SFXN5: variants seen among roughly 807,000 people sequenced by gnomAD.
SFXN5 encodes sideroflexin 5.
A neutral mutation model predicts 50.2 loss-of-function variants in SFXN5; 43 were observed. That is an observed-to-expected ratio of 0.86 (90% CI 0.67 to 1.11). The LOEUF (loss-of-function observed/expected upper bound fraction) is 1.11, where lower values mean the gene tolerates loss of function less well. SFXN5 is among the 50% of genes least tolerant of loss of function. SFXN5 has a pLI of 0.00. For missense variants in SFXN5, 463 were observed against 454.1 expected, an observed-to-expected ratio of 1.02 and a Z score of -0.18; for synonymous variants, 203 against 185.8, an observed-to-expected ratio of 1.09 and a Z score of -0.75.
chr2:73,001,705 A>G, intron 6 of SFXN5, 127 bp from the exon 7 acceptor site: 1 of 896,404 alleles, frequency 1.1e-6, no homozygotes, highest in Non-Finnish European at 1.7e-6. Flanking sequence ...TGCCGTGTAC[A>G]TACAAACTGA....
intron 11 of SFXN5, among the ~76,000 whole-genome samples, chr2:72,970,695 T>C (rs950535845): frequency 6.7e-6 from 1 of 149,760 alleles, no homozygotes; most frequent in Admixed American, 6.6e-5. Flanking sequence ...TGGACTGCGT[T>C]TTTTTTTTTT....
At position 73,046,871 on chromosome 2, in the gene SFXN5, C is replaced by CT. The variant is rs947968658; in HGVS notation, c.172-5941dup. 8.5e-4 allele frequency among the ~76,000 whole-genome samples: 125 copies of CT among 147,232 alleles called. 1 individual carries two copies. The highest frequency in any genetic ancestry group is 9.6e-4 in the Admixed American group (14 of 14,654). On this transcript the variant is annotated intron_variant, in intron 2 of 13. Coordinates refer to ENST00000272433, the MANE Select transcript of SFXN5 (RefSeq NM_144579.3). ...TTTTTTTCTTTTTGGTTATTTTTTC[C>CT]TTTTTTTTTTCCTACAATACATTTA... is the stretch of plus-strand genomic sequence containing the variant.
intron 8 of SFXN5, 62 bp from the exon 9 acceptor site, chr2:72,999,076 G>A: frequency 1.3e-6 from 2 of 1,560,600 alleles, no homozygotes; most frequent in Non-Finnish European, 1.8e-6. Context: ...ACTTCCCCTT[G>A]TAAGCTGTCC....
At position 72,988,305 on chromosome 2, in the gene SFXN5, G is replaced by A; in HGVS notation, c.578C>T (p.Pro193Leu). The A allele has an allele frequency of 6.2e-7, 1 of 1,613,902 alleles. No individual in the cohort carries two copies. The highest frequency in any genetic ancestry group is 8.5e-7 in the Non-Finnish European group (1 of 1,179,842). The change falls in exon 10 of 14, where the codon CCA (proline) becomes CTA (leucine). Residue 193 changes from proline to leucine, a missense_variant. By Grantham distance (98) the Pro-to-Leu change is moderately conservative. Transcript: ENST00000272433. ...VLVQKANKFT[P>L]ATRLLIQRFV... Reference sequence around the variant, plus strand: ...CCTCTGGATGAGAAGGCGGGTGGCTGGGGTGAACTTGTTGGCTTTCTGAAC... The same window carrying A: ...CCTCTGGATGAGAAGGCGGGTGGCTAGGGTGAACTTGTTGGCTTTCTGAAC...
intron 3 of SFXN5, among the ~76,000 whole-genome samples, chr2:73,028,359 A>G (rs2105868900): frequency 6.6e-6 from 1 of 152,324 alleles, no homozygotes; most frequent in Admixed American, 6.5e-5. Context: ...AGCCACCGCC[A>G]TGAAATGAGT....
chr2:72,998,916 G>T (rs775091886), intron 9 of SFXN5, 33 bp downstream of exon 9: 13 of 1,611,494 alleles, frequency 8.1e-6, no homozygotes, highest in Non-Finnish European at 1.1e-5. Context: ...CAGAGCAGCA[G>T]AGCCAAGAAG....
intron 12 of SFXN5, among the ~76,000 whole-genome samples, chr2:72,963,565 G>C (rs985906974): frequency 3.3e-5 from 5 of 152,086 alleles, no homozygotes; most frequent in African/African-American, 1.2e-4. Context: ...TGGCAAGGAG[G>C]GAAGGGAAAG....
intron 13 of SFXN5, among the ~76,000 whole-genome samples, chr2:72,956,817 C>G (rs1673140887): frequency 6.6e-6 from 1 of 152,130 alleles, no homozygotes; most frequent in Non-Finnish European, 1.5e-5. Flanking sequence ...TCCAAGCCCC[C>G]CAACCTCCAT....
chr2:73,047,233 AAAAAAAAAAAAAATATATAT>A (rs1454800758), intron 2 of SFXN5, among the ~76,000 whole-genome samples: 7 of 28,038 alleles, frequency 2.5e-4, no homozygotes, highest in Admixed American at 7.2e-4. Flanking sequence ...AAAAAAAAAA[AAAAAAAAAAAAAATATATAT>A]ATATATATAT....
At chr2:72,993,057 G>A (rs182297918) in intron 9 of SFXN5, among the ~76,000 whole-genome samples, 19 of 152,342 alleles carry the variant, frequency 1.2e-4, no homozygotes, top group Middle Eastern at 3.4e-3. Context: ...GGGGTACTCA[G>A]ACGACAGTCT....
chr2:72,981,123 G>A (rs533573241), intron 10 of SFXN5: 1 of 152,158 alleles, frequency 6.6e-6, no homozygotes, highest in Admixed American at 6.5e-5. Context: ...AAATCCAGGA[G>A]TCAGGCAGCT....
intron 2 of SFXN5, among the ~76,000 whole-genome samples, chr2:73,051,777 G>T (rs1334283385): frequency 6.6e-6 from 1 of 152,176 alleles, no homozygotes; most frequent in Non-Finnish European, 1.5e-5. Flanking sequence ...CCAAGATCAA[G>T]GAACCAGCAT....
At chr2:72,998,839 C>T (rs903989369) in intron 9 of SFXN5, 110 bp downstream of exon 9, 1 of 1,215,798 alleles carries the variant, frequency 8.2e-7, no homozygotes, top group East Asian at 2.5e-5. Context: ...AGAAACCTGT[C>T]TCCCAAATCC....
chr2:72,977,714 C>A (rs1444490534), intron 10 of SFXN5, among the ~76,000 whole-genome samples: 1 of 152,136 alleles, frequency 6.6e-6, no homozygotes, highest in East Asian at 1.9e-4. Flanking sequence ...GTGCCTCACT[C>A]CTGTAATCCC....
intron 6 of SFXN5, among the ~76,000 whole-genome samples, chr2:73,005,472 G>GT (rs1674514540): frequency 1.3e-5 from 2 of 152,178 alleles, no homozygotes; most frequent in Non-Finnish European, 2.9e-5. Flanking sequence ...TTCTTCACCT[G>GT]TTAAGTGAAG....
At chr2:72,966,201 C>A (rs146351329) in intron 12 of SFXN5, among the ~76,000 whole-genome samples, 2 of 152,172 alleles carry the variant, frequency 1.3e-5, no homozygotes, top group Non-Finnish European at 2.9e-5. Flanking sequence ...CCATTGTCCC[C>A]GAGGCCTATC....
chr2:72,963,844 C>T (rs1377816271), intron 12 of SFXN5, among the ~76,000 whole-genome samples: 1 of 152,148 alleles, frequency 6.6e-6, no homozygotes, highest in Non-Finnish European at 1.5e-5. Context: ...TCCTCCTCAG[C>T]ATGGTTGGTG....
At chr2:73,027,348 AT>A (rs565600306) in intron 3 of SFXN5, among the ~76,000 whole-genome samples, 55 of 152,204 alleles carry the variant, frequency 3.6e-4, no homozygotes, top group Non-Finnish European at 5.9e-4. Flanking sequence ...ATAGACAAGA[AT>A]TTTTTTGTAC....
intron 2 of SFXN5, among the ~76,000 whole-genome samples, chr2:73,057,297 C>T (rs1682272982): frequency 6.6e-6 from 1 of 152,116 alleles, no homozygotes; most frequent in African/African-American, 2.4e-5. Context: ...CACCACCACA[C>T]TCGGATAATT....
Sources: allele counts gnomAD v4.1 joint callset (sites outside exome capture counted in the v4.1 genomes callset), GRCh38; gene constraint gnomAD v4.1.1; transcripts MANE v1.5; gene names NCBI Gene and HGNC (gene_info 2026-07-23, HGNC 2026-07-21).